The following CACNA2D3 variants were observed in gnomAD, a reference collection of about 807,000 sequenced individuals.
CACNA2D3 encodes the protein calcium voltage-gated channel auxiliary subunit alpha2delta 3, also known as voltage-dependent calcium channel subunit alpha-2/delta-3.
A neutral mutation model predicts 160.6 loss-of-function variants in CACNA2D3; 60 were observed. That is an observed-to-expected ratio of 0.37 (90% confidence interval 0.30 to 0.46). The LOEUF is 0.46. Among genes scored for constraint, CACNA2D3 ranks in the 20% least tolerant of loss-of-function variants. The pLI, the probability that CACNA2D3 is intolerant of heterozygous loss-of-function variation, is 1.00. For missense variants in CACNA2D3, 1,205 were observed against 1,365.0 expected (o/e 0.88, Z 1.85); for synonymous variants, 558 against 492.9 (o/e 1.13, Z -1.75).
chr3:54,175,313 T>C (rs9829714), intron 2 of CACNA2D3, among the ~76,000 whole-genome samples: 121,616 of 152,074 alleles, frequency 0.8, 48,950 homozygotes, highest in East Asian at 1. Flanking sequence ...GCTGAGAAAT[T>C]AACTCTCAAG....
chr3:54,574,718 G>A (rs1702554184), intron 8 of CACNA2D3, among the ~76,000 whole-genome samples: 1 of 152,166 alleles, frequency 6.6e-6, no homozygotes, highest in Non-Finnish European at 1.5e-5. Context: ...ATAAAAATGA[G>A]GGTGCTAATT....
At chr3:54,168,978 A>G (rs1346766089) in intron 2 of CACNA2D3, among the ~76,000 whole-genome samples, 1 of 152,124 alleles carries the variant, frequency 6.6e-6, no homozygotes, top group Non-Finnish European at 1.5e-5. Flanking sequence ...TGGTTTTAGT[A>G]TGTATTGTAT....
chr3:54,645,246 C>T (rs1462498619), intron 11 of CACNA2D3, among the ~76,000 whole-genome samples: 1 of 152,108 alleles, frequency 6.6e-6, no homozygotes, highest in Non-Finnish European at 1.5e-5. Flanking sequence ...CATGAGAACT[C>T]ATTCACTATC....
At chr3:54,764,473 T>A in intron 13 of CACNA2D3, 122 bp downstream of exon 13, 4 of 1,253,686 alleles carry the variant, frequency 3.2e-6, no homozygotes, top group Non-Finnish European at 4.4e-6. Context: ...TTTTCTTGAT[T>A]GTTTGTATAG....
intron 31 of CACNA2D3, among the ~76,000 whole-genome samples, chr3:54,998,458 A>G (rs2107127898): frequency 1.3e-5 from 2 of 152,186 alleles, no homozygotes; most frequent in South Asian, 4.1e-4. Context: ...TCTTATGGTT[A>G]CTGTTCTTCT....
At chr3:54,212,224 G>A (rs1456871045) in intron 2 of CACNA2D3, among the ~76,000 whole-genome samples, 1 of 152,174 alleles carries the variant, frequency 6.6e-6, no homozygotes, top group Admixed American at 6.5e-5. Flanking sequence ...GGTGGTCGGG[G>A]TACAGCTTGC....
chr3:54,868,249 C>T (rs1388628412), intron 17 of CACNA2D3, among the ~76,000 whole-genome samples: 2 of 152,138 alleles, frequency 1.3e-5, no homozygotes, highest in African/African-American at 4.8e-5. Flanking sequence ...GGAGCTTATT[C>T]TCTAAAAAAG....
At chr3:54,403,670 G>A (rs1699514846) in intron 4 of CACNA2D3, among the ~76,000 whole-genome samples, 1 of 152,036 alleles carries the variant, frequency 6.6e-6, no homozygotes, top group Admixed American at 6.6e-5. Context: ...TAAATCAAAT[G>A]AGGGATAGAA....
chr3:54,200,781 T>C (rs564242869), intron 2 of CACNA2D3, among the ~76,000 whole-genome samples: 1 of 152,372 alleles, frequency 6.6e-6, no homozygotes, highest in East Asian at 1.9e-4. Flanking sequence ...ATTGAATAGC[T>C]TTGAGATTAT....
intron 2 of CACNA2D3, among the ~76,000 whole-genome samples, chr3:54,200,097 A>T (rs1701151085): frequency 6.6e-6 from 1 of 152,212 alleles, no homozygotes; most frequent in Admixed American, 6.5e-5. Flanking sequence ...GTGGAATCGG[A>T]GGTATGTGGA....
At chr3:54,787,172 G>A (rs1175907719) in intron 13 of CACNA2D3, among the ~76,000 whole-genome samples, 1 of 152,050 alleles carries the variant, frequency 6.6e-6, no homozygotes, top group Non-Finnish European at 1.5e-5. Flanking sequence ...CTTGAGTTTT[G>A]GAGCAATTGA....
intron 35 of CACNA2D3, among the ~76,000 whole-genome samples, chr3:55,055,347 A>G (rs11130448): frequency 0.17 from 26,008 of 152,080 alleles, 2,401 homozygotes; most frequent in Non-Finnish European, 0.19. Context: ...AGTAAAAATC[A>G]GTTGACCATA....
intron 4 of CACNA2D3, among the ~76,000 whole-genome samples, chr3:54,420,115 C>T (rs985995312): frequency 6.7e-6 from 1 of 148,246 alleles, no homozygotes; most frequent in Non-Finnish European, 1.5e-5. Context: ...GATGGAGTCT[C>T]GCTCTGTCGC....
intron 2 of CACNA2D3, among the ~76,000 whole-genome samples, chr3:54,249,719 G>C (rs1250532898): frequency 6.8e-6 from 1 of 147,696 alleles, no homozygotes; most frequent in Admixed American, 6.7e-5. Context: ...ATTGGTTCTG[G>C]TTCAACCGTA....
At position 54,885,641 on chromosome 3, in the gene CACNA2D3, A is replaced by C. The variant is rs764185156; in HGVS notation, c.2056+55A>C. On this transcript the variant is annotated intron_variant, in intron 23 of 37. Transcript: ENST00000474759. ...CTTCAGGGGTGATGGTGGGGAATGA[A>C]CTCAAAACATTTTTTGGCCTCACTT... is the stretch of plus-strand genomic sequence containing the variant. The C allele has an allele frequency of 2.5e-4, 348 of 1,382,908 alleles. 1 individual carries two copies. Among genetic ancestry groups the C allele is most frequent in the Non-Finnish European group, 3.1e-4 (304 of 984,674 alleles). 85.7% of individuals were successfully genotyped at this position (1,382,908 alleles called of 1,614,324 possible). A position where few individuals can be genotyped will look rare whatever the true frequency, so the allele number is the denominator to read the frequency against.
intron 35 of CACNA2D3, among the ~76,000 whole-genome samples, chr3:55,024,969 C>T (rs1424761161): frequency 6.6e-6 from 1 of 152,122 alleles, no homozygotes; most frequent in Non-Finnish European, 1.5e-5. Context: ...TGATTGAGAT[C>T]CTTTTTGACC....
chr3:54,254,569 T>C (rs1297813594), intron 2 of CACNA2D3, among the ~76,000 whole-genome samples: 1 of 152,190 alleles, frequency 6.6e-6, no homozygotes, highest in Non-Finnish European at 1.5e-5. Context: ...TGAGCTTCAG[T>C]TTCCAAGTAT....
At chr3:54,745,763 C>A (rs147268915) in intron 11 of CACNA2D3, among the ~76,000 whole-genome samples, 4 of 152,242 alleles carry the variant, frequency 2.6e-5, no homozygotes, top group African/African-American at 9.6e-5. Context: ...TAGAACTGGA[C>A]TTTTATCCCT....
intron 4 of CACNA2D3, among the ~76,000 whole-genome samples, chr3:54,434,489 A>G (rs570478860): frequency 6.6e-6 from 1 of 152,202 alleles, no homozygotes; most frequent in Non-Finnish European, 1.5e-5. Flanking sequence ...AGACTCATCA[A>G]GGTTGTCTTG....
Sources: gnomAD v4.1 joint callset for allele counts (sites outside exome capture counted in the v4.1 genomes callset) on GRCh38, gnomAD v4.1.1 for gene constraint, MANE v1.5 for transcripts, NCBI Gene and HGNC (gene_info 2026-07-23, HGNC 2026-07-21) for gene names.